Variants in HECW1 observed in about 807,000 individuals in gnomAD.
HECW1 encodes E3 ubiquitin-protein ligase HECW1.
Under a neutral mutation model 182.3 loss-of-function variants are expected in HECW1, and 61 were observed. The observed-to-expected ratio is 0.33, with a 90% CI of 0.27 to 0.41. The LOEUF (loss-of-function observed/expected upper bound fraction) is 0.41, where lower values mean the gene tolerates loss of function less well. Among genes scored for constraint, HECW1 ranks in the 10% least tolerant of loss-of-function variants. The probability of loss-of-function intolerance (pLI) is 1.00; values close to 1 mark genes in which losing one functional copy is unlikely to be tolerated. For missense variants in HECW1, 1,739 were observed against 2,108.9 expected, an observed-to-expected ratio of 0.82 and a Z score of 3.44; for synonymous variants, 859 against 832.6, an observed-to-expected ratio of 1.03 and a Z score of -0.55.
chr7:43,458,157 T>G (rs1299956981), intron 13 of HECW1, among the ~76,000 whole-genome samples: 1 of 152,244 alleles, frequency 6.6e-6, no homozygotes, highest in Non-Finnish European at 1.5e-5. Context: ...TAAGCTCATC[T>G]TACATAGAGA....
intron 16 of HECW1, among the ~76,000 whole-genome samples, chr7:43,471,849 A>G (rs2078036602): frequency 6.6e-6 from 1 of 152,240 alleles, no homozygotes; most frequent in South Asian, 2.1e-4. Context: ...CAAGAAGCAA[A>G]CAGAATCTTG....
chr7:43,373,401 T>C (rs2074196005), intron 6 of HECW1, among the ~76,000 whole-genome samples: 1 of 151,958 alleles, frequency 6.6e-6, no homozygotes, highest in African/African-American at 2.4e-5. Context: ...CAAGTGATCC[T>C]CCTGCCTTGG....
chr7:43,501,990 A>G (rs948280319), intron 21 of HECW1, among the ~76,000 whole-genome samples: 9 of 152,218 alleles, frequency 5.9e-5, no homozygotes, highest in Admixed American at 3.3e-4. Context: ...ACCAGACTTG[A>G]GTAATAGCAA....
intron 3 of HECW1, among the ~76,000 whole-genome samples, chr7:43,257,492 A>T (rs1182167057): frequency 2.0e-5 from 3 of 152,160 alleles, no homozygotes; most frequent in East Asian, 3.9e-4. Flanking sequence ...AGCAAGAGGC[A>T]TGGGGTTTGG....
At chr7:43,331,965 A>G (rs1324461586) in intron 5 of HECW1, among the ~76,000 whole-genome samples, 1 of 152,150 alleles carries the variant, frequency 6.6e-6, no homozygotes, top group African/African-American at 2.4e-5. Context: ...CAGTTATGGG[A>G]CAGGACTTTC....
chr7:43,334,652 A>G (rs779852576), intron 5 of HECW1, among the ~76,000 whole-genome samples: 2 of 152,234 alleles, frequency 1.3e-5, no homozygotes, highest in Non-Finnish European at 2.9e-5. Context: ...CAAAAAGCAG[A>G]AAAGAAAAAG....
intron 2 of HECW1, among the ~76,000 whole-genome samples, chr7:43,119,866 C>T (rs750486831): frequency 5.3e-5 from 8 of 152,180 alleles, no homozygotes; most frequent in Non-Finnish European, 1.2e-4. Flanking sequence ...CACAGCCATC[C>T]CCGTCTAAGC....
intron 2 of HECW1, among the ~76,000 whole-genome samples, chr7:43,162,732 T>C (rs1790676033): frequency 6.6e-6 from 1 of 152,198 alleles, no homozygotes; most frequent in Non-Finnish European, 1.5e-5. Context: ...GAATGCCTTT[T>C]AATACAGAGG....
intron 8 of HECW1, among the ~76,000 whole-genome samples, chr7:43,420,342 CAAT>C (rs1409765360): frequency 1.3e-5 from 2 of 152,100 alleles, no homozygotes; most frequent in Non-Finnish European, 2.9e-5. Flanking sequence ...ATAATAATAA[CAAT>C]AAAATCCACA....
intron 24 of HECW1, among the ~76,000 whole-genome samples, chr7:43,516,949 A>G (rs1483655278): frequency 6.6e-6 from 1 of 152,228 alleles, no homozygotes; most frequent in Non-Finnish European, 1.5e-5. Flanking sequence ...AAATTATTGT[A>G]TAGAAGATAA....
At chr7:43,342,998 G>A (rs549740940) in intron 5 of HECW1, among the ~76,000 whole-genome samples, 11 of 151,308 alleles carry the variant, frequency 7.3e-5, no homozygotes, top group South Asian at 2.1e-4. Flanking sequence ...GCACTCCAGC[G>A]TGGGAGACAG....
rs76718484 is a variant in HECW1 at position 43,185,332 on chromosome 7, C to T, written c.-31-58543C>T. ...ATATCCTTTACAATAAACTGGTAAA[C>T]GTAAGTAAAGTGTTTCACTGAGTTC... On this transcript the variant is annotated intron_variant, in intron 2 of 29. Transcript: ENST00000395891. Among the ~76,000 whole-genome samples, 163 of 152,290 alleles carry T rather than the reference C, an allele frequency of 1.1e-3. 1 individual carries two copies. The highest frequency in any genetic ancestry group is 3.7e-3 in the African/African-American group (152 of 41,562).
rs140568894 is a variant in HECW1 at position 43,195,091 on chromosome 7, A to G, written c.-31-48784A>G. Among the ~76,000 whole-genome samples the G allele has an allele frequency of 7.0e-3, 1,061 of 152,210 alleles. 27 individuals carry two copies. Among genetic ancestry groups the G allele is most frequent in the South Asian group, 0.04 (191 of 4,824 alleles). On this transcript the variant is annotated intron_variant, in intron 2 of 29. Transcript: ENST00000395891. ...GGCAATCATTGTGTTCCCCTTACCT[A>G]CTGCCACAAGTATGATTTACTTTCC...
At chr7:43,213,502 G>A (rs755218816) in intron 2 of HECW1, among the ~76,000 whole-genome samples, 1 of 139,580 alleles carries the variant, frequency 7.2e-6, no homozygotes, top group Non-Finnish European at 1.5e-5. Context: ...CTGGAGTGTA[G>A]TGGCGTGATC....
At chr7:43,324,583 A>G (rs1489973703) in intron 5 of HECW1, among the ~76,000 whole-genome samples, 1 of 152,214 alleles carries the variant, frequency 6.6e-6, no homozygotes, top group African/African-American at 2.4e-5. Flanking sequence ...ATAAAAATGC[A>G]GAATCCCAGC....
intron 8 of HECW1, among the ~76,000 whole-genome samples, chr7:43,412,773 G>T (rs1234111571): frequency 6.6e-6 from 1 of 151,474 alleles, no homozygotes; most frequent in Non-Finnish European, 1.5e-5. Context: ...TCCCTACAAA[G>T]GACATGAACT....
chr7:43,282,011 G>A (rs146812190), intron 3 of HECW1, among the ~76,000 whole-genome samples: 1 of 152,164 alleles, frequency 6.6e-6, no homozygotes, highest in East Asian at 1.9e-4. Flanking sequence ...CTTTCCAGCT[G>A]TCATAGAGCA....
chr7:43,332,496 T>C (rs1367665025), intron 5 of HECW1, among the ~76,000 whole-genome samples: 2 of 152,190 alleles, frequency 1.3e-5, no homozygotes, highest in African/African-American at 4.8e-5. Context: ...GGCAAGAATA[T>C]GGGGCAGACA....
intron 7 of HECW1, among the ~76,000 whole-genome samples, chr7:43,406,521 G>A (rs1425183331): frequency 6.6e-6 from 1 of 152,040 alleles, no homozygotes; most frequent in Admixed American, 6.5e-5. Flanking sequence ...ACCATGACTG[G>A]GAATCCCTGA....
Sources: allele counts gnomAD v4.1 joint callset (sites outside exome capture counted in the v4.1 genomes callset), GRCh38; gene constraint gnomAD v4.1.1; transcripts MANE v1.5; gene names NCBI Gene and HGNC (gene_info 2026-07-23, HGNC 2026-07-21).